The following BICC1 variants were observed in gnomAD, a reference collection of about 807,000 sequenced individuals.
BICC1 encodes BicC family RNA binding protein 1.
BICC1 carries 43 observed loss-of-function variants against 111.0 expected under a neutral mutation model. The observed-to-expected ratio is 0.39, with a 90% CI of 0.30 to 0.50. The LOEUF (loss-of-function observed/expected upper bound fraction) is 0.50. Among genes scored for constraint, BICC1 ranks in the 20% least tolerant of loss-of-function variants. The pLI is 0.88. For synonymous variants in BICC1, 467 were observed against 434.4 expected, an observed-to-expected ratio of 1.07 and a Z score of -0.93; for missense variants, 1,091 against 1,203.2, an observed-to-expected ratio of 0.91 and a Z score of 1.38.
chr10:58,622,055 A>T (rs1845836615), intron 2 of BICC1, among the ~76,000 whole-genome samples: 1 of 150,120 alleles, frequency 6.7e-6, no homozygotes, highest in South Asian at 2.1e-4. Context: ...GATGATGTGC[A>T]CCTGTAGTTC....
chr10:58,587,716 A>G (rs536893393), intron 1 of BICC1, among the ~76,000 whole-genome samples: 4 of 152,244 alleles, frequency 2.6e-5, no homozygotes, highest in African/African-American at 9.6e-5. Context: ...GGCATATGGA[A>G]ATGTTCTATT....
chr10:58,655,402 C>CAA (rs1838605472), intron 2 of BICC1, among the ~76,000 whole-genome samples: 10 of 109,286 alleles, frequency 9.2e-5, no homozygotes, highest in Non-Finnish European at 1.7e-4. Flanking sequence ...CCTTCACATC[C>CAA]CTTGTAAGTT....
At chr10:58,719,930 C>G (rs1483171000) in intron 3 of BICC1, among the ~76,000 whole-genome samples, 2 of 152,166 alleles carry the variant, frequency 1.3e-5, no homozygotes, top group Admixed American at 6.5e-5. Flanking sequence ...AATAATCAGA[C>G]AAGCCTACTT....
At chr10:58,678,970 A>G (rs1442230475) in intron 2 of BICC1, among the ~76,000 whole-genome samples, 1 of 152,194 alleles carries the variant, frequency 6.6e-6, no homozygotes, top group Non-Finnish European at 1.5e-5. Context: ...AGAAATAAAT[A>G]AGTTCTTTGA....
chr10:58,715,460 G>C (rs1840709883), intron 3 of BICC1: 3 of 733,120 alleles, frequency 4.1e-6, no homozygotes, highest in South Asian at 2.9e-5. Flanking sequence ...AGAGCAGAGT[G>C]GGGAGGCGGC....
intron 2 of BICC1, among the ~76,000 whole-genome samples, chr10:58,649,816 A>G (rs887503487): frequency 6.7e-6 from 1 of 150,164 alleles, no homozygotes; most frequent in Non-Finnish European, 1.5e-5. Flanking sequence ...TTTTGCATGT[A>G]TAGGAACTAA....
chr10:58,518,360 A>T (rs951805110), intron 1 of BICC1, among the ~76,000 whole-genome samples: 1 of 152,030 alleles, frequency 6.6e-6, no homozygotes, highest in Non-Finnish European at 1.5e-5. Flanking sequence ...TAAAATGGGG[A>T]TAATAATAGT....
intron 1 of BICC1, among the ~76,000 whole-genome samples, chr10:58,615,810 C>A (rs1441126590): frequency 2.0e-5 from 3 of 152,122 alleles, no homozygotes; most frequent in East Asian, 3.9e-4. Context: ...GCTTAATGGG[C>A]TCTGGTGGAA....
At chr10:58,708,318 A>C (rs1564566978) in intron 3 of BICC1, among the ~76,000 whole-genome samples, 2 of 152,188 alleles carry the variant, frequency 1.3e-5, no homozygotes, top group Non-Finnish European at 2.9e-5. Context: ...AATACTTTAC[A>C]TATTTATAGA....
intron 1 of BICC1, among the ~76,000 whole-genome samples, chr10:58,538,873 A>G (rs929198625): frequency 6.6e-6 from 1 of 152,042 alleles, no homozygotes. Context: ...TTAAAACGCA[A>G]CAAGATACTA....
At chr10:58,722,173 A>C (rs755503814) in intron 3 of BICC1, among the ~76,000 whole-genome samples, 2 of 152,204 alleles carry the variant, frequency 1.3e-5, no homozygotes, top group Non-Finnish European at 2.9e-5. Flanking sequence ...CAGTGAATCC[A>C]TCCGGTTTCC....
At chr10:58,809,858 A>T (rs1843845366) in intron 17 of BICC1, among the ~76,000 whole-genome samples, 1 of 152,192 alleles carries the variant, frequency 6.6e-6, no homozygotes, top group Admixed American at 6.5e-5. Flanking sequence ...GTCTTACTCA[A>T]GGTTACTTAT....
rs1387330787 is a variant in BICC1, at chr10:58,796,439, A to G, written c.1279A>G (p.Ser427Gly). The G allele has an allele frequency of 1.9e-6, 3 of 1,614,164 alleles. No homozygotes were observed. The highest frequency in any genetic ancestry group is 1.7e-6 in the Non-Finnish European group (2 of 1,180,016). Reference protein sequence around the residue: ...LESSGVTIATSPSPASCPAGL... With the variant: ...LESSGVTIATGPSPASCPAGL... ...AAGCAGTGGGGTTACCATAGCAACCAGTCCATCCCCAGCATCCTGCCCTGC... is the reference window on the plus strand; with the variant it reads ...AAGCAGTGGGGTTACCATAGCAACCGGTCCATCCCCAGCATCCTGCCCTGC... Residue 427 changes from serine to glycine, a missense_variant, in exon 10 of 21, where the codon AGT becomes GGT. This residue lies in a region of BICC1 where 843 missense variants were observed against 900.8 expected (regional missense o/e 0.94). Transcript: ENST00000373886.
At chr10:58,597,917 T>G (rs893191588) in intron 1 of BICC1, among the ~76,000 whole-genome samples, 1 of 152,138 alleles carries the variant, frequency 6.6e-6, no homozygotes, top group African/African-American at 2.4e-5. Flanking sequence ...TGATTTCATA[T>G]TGTTCAAACA....
intron 3 of BICC1, among the ~76,000 whole-genome samples, chr10:58,739,711 A>G (rs1013484459): frequency 5.3e-5 from 8 of 152,196 alleles, no homozygotes; most frequent in African/African-American, 1.9e-4. Context: ...CAAATTAAAA[A>G]TCAAAATCTA....
At chr10:58,563,637 G>A (rs1001546894) in intron 1 of BICC1, among the ~76,000 whole-genome samples, 2 of 152,170 alleles carry the variant, frequency 1.3e-5, no homozygotes, top group Admixed American at 1.3e-4. Flanking sequence ...TTGTGGAAGA[G>A]GCTAGCACTG....
intron 4 of BICC1, 110 bp downstream of exon 4, chr10:58,785,190 G>A: frequency 1.8e-6 from 1 of 564,558 alleles, no homozygotes; most frequent in South Asian, 3.2e-5. Context: ...GAAAGTAATG[G>A]TGGGTTTTAA....
chr10:58,800,107 G>A (rs1196787890), intron 12 of BICC1, 87 bp from the exon 13 acceptor site: 3 of 1,056,310 alleles, frequency 2.8e-6, no homozygotes, highest in Admixed American at 2.6e-5. Flanking sequence ...TCTTTTTCGT[G>A]GCTGTTATAA....
chr10:58,645,465 T>C (rs994208935), intron 2 of BICC1, among the ~76,000 whole-genome samples: 2 of 149,644 alleles, frequency 1.3e-5, no homozygotes, highest in African/African-American at 4.9e-5. Context: ...TAGAACCAGA[T>C]TGGCATTTTG....
Sources: allele counts gnomAD v4.1 joint callset (sites outside exome capture counted in the v4.1 genomes callset), GRCh38; gene constraint gnomAD v4.1.1; regional missense constraint gnomAD v4.1.1; transcripts MANE v1.5; gene names NCBI Gene and HGNC (gene_info 2026-07-23, HGNC 2026-07-21).